Variants in BDP1 observed in about 807,000 individuals in gnomAD.
The protein encoded by BDP1 is transcription factor TFIIIB component B'' homolog.
A neutral mutation model predicts 266.6 loss-of-function variants in BDP1; 169 were observed. The ratio of observed to expected loss-of-function variants is 0.63; its 90% CI spans 0.56 to 0.72. The LOEUF is 0.72. BDP1 is among the 30% of genes least tolerant of loss of function. The probability of loss-of-function intolerance (pLI) is 0.00; values close to 1 mark genes in which losing one functional copy is unlikely to be tolerated. For missense variants in BDP1, 3,015 were observed against 3,053.8 expected (o/e 0.99, Z 0.30); for synonymous variants, 1,090 against 1,022.4 (o/e 1.07, Z -1.26).
chr5:71,465,960 T>TA (rs1250676379), intron 4 of BDP1, 136 bp from the exon 5 acceptor site: 9 of 866,962 alleles, frequency 1.0e-5, no homozygotes, highest in Non-Finnish European at 1.6e-5. Context: ...TAATAACACA[T>TA]ACTGTTTTCA....
intron 2 of BDP1, among the ~76,000 whole-genome samples, chr5:71,459,992 C>G (rs1761439606): frequency 6.6e-6 from 1 of 152,204 alleles, no homozygotes; most frequent in Non-Finnish European, 1.5e-5. Flanking sequence ...CATTTCTGGT[C>G]TCAAGTATTT....
At chr5:71,540,665 C>T (rs915972105) in intron 28 of BDP1, among the ~76,000 whole-genome samples, 5 of 152,150 alleles carry the variant, frequency 3.3e-5, no homozygotes, top group African/African-American at 1.2e-4. Flanking sequence ...GGGCCAGATG[C>T]AGCAGCTCAT....
At chr5:71,483,418 C>T (rs969307815) in intron 7 of BDP1, among the ~76,000 whole-genome samples, 7 of 152,190 alleles carry the variant, frequency 4.6e-5, no homozygotes, top group Non-Finnish European at 8.8e-5. Flanking sequence ...TGGCCTGCTT[C>T]AAAATTTCAC....
chr5:71,467,318 TTAG>T, intron 5 of BDP1, 33 bp from the exon 6 acceptor site: 1 of 1,510,320 alleles, frequency 6.6e-7, no homozygotes, highest in East Asian at 2.3e-5. Context: ...TTCCTTGTTT[TTAG>T]TATACATCTA....
chr5:71,562,642 C>G (rs1743758431), intron 38 of BDP1, 122 bp downstream of exon 38: 2 of 1,477,032 alleles, frequency 1.4e-6, no homozygotes, highest in Middle Eastern at 3.5e-4. Flanking sequence ...AGAGCAACTC[C>G]CATCCTTCTC....
In BDP1 at chr5:71,509,940, C is replaced by T. The variant is rs1281457988; in HGVS notation, c.2848C>T (p.Leu950=). ...AAATGGCCCAGAGGAGGTTAAGCCT[C>T]TAGGTGAAGTGGAGACAGATTTGAA... ...QKNGPEEVKP[L]GEVETDLKAT... Residue 950 remains leucine, a synonymous_variant, in exon 17 of 39, where the codon CTA becomes TTA. Transcript: ENST00000358731. The T allele has an allele frequency of 4.3e-6, 7 of 1,610,222 alleles. No individual in the cohort carries two copies. Among genetic ancestry groups the T allele is most frequent in the Admixed American group, 1.7e-5 (1 of 59,638 alleles).
At chr5:71,558,768 G>A (rs563319412) in intron 36 of BDP1, among the ~76,000 whole-genome samples, 1 of 152,134 alleles carries the variant, frequency 6.6e-6, no homozygotes, top group Non-Finnish European at 1.5e-5. Context: ...AGAGGTTGCG[G>A]TGAGCCGAGA....
At chr5:71,513,078 A>G in intron 18 of BDP1, 107 bp from the exon 19 acceptor site, 1 of 714,718 alleles carries the variant, frequency 1.4e-6, no homozygotes, top group African/African-American at 1.8e-5. Context: ...AAAAAAAAAA[A>G]AAAAAAAAAA....
intron 34 of BDP1, among the ~76,000 whole-genome samples, chr5:71,552,335 A>G (rs1393556277): frequency 1.3e-5 from 2 of 149,460 alleles, no homozygotes; most frequent in Non-Finnish European, 3.0e-5. Flanking sequence ...CACTTCCTAG[A>G]TGGGATGGCC....
At chr5:71,466,699 T>C (rs1761928785) in intron 5 of BDP1, among the ~76,000 whole-genome samples, 1 of 152,216 alleles carries the variant, frequency 6.6e-6, no homozygotes, top group African/African-American at 2.4e-5. Flanking sequence ...TTCTCAGTTA[T>C]AACATTAAAT....
rs2150564826 is a variant in BDP1, at chr5:71,542,265, G to A, written c.6412G>A (p.Glu2138Lys). The A allele has an allele frequency of 6.2e-7, 1 of 1,603,084 alleles. No homozygotes were observed. Among genetic ancestry groups the A allele is most frequent in the Non-Finnish European group, 8.5e-7 (1 of 1,176,958 alleles). Residue 2138 changes from glutamate to lysine, a missense_variant and splice_region_variant, in exon 30 of 39, where the codon GAA becomes AAA. Glu to Lys is a moderately conservative substitution (Grantham distance 56). Transcript: ENST00000358731. Reference sequence around the variant, plus strand: ...AGGGGCAGAAATGGAAACTCAAAGAGGTAAATTTTATTCTCTTAATATGTT... The same window carrying A: ...AGGGGCAGAAATGGAAACTCAAAGAAGTAAATTTTATTCTCTTAATATGTT... ...TKGAEMETQR[E>K]TEKNASKATE...
intron 4 of BDP1, among the ~76,000 whole-genome samples, 155 bp from the exon 5 acceptor site, chr5:71,465,940 AT>A (rs1265214610): frequency 6.6e-6 from 1 of 152,148 alleles, no homozygotes; most frequent in Non-Finnish European, 1.5e-5. Context: ...AAATCCTCTA[AT>A]TGCGTCCTTA....
rs1434795135 is a variant in BDP1 at position 71,545,325 on chromosome 5, TTTTC to T, written c.6744+110_6744+113del. ...TAAACTTCACCTCTTTTATCTTCAT[TTTTC>T]TTTATTTCTTCTTTTTTTTTTGGAG... On this transcript the variant is annotated intron_variant, in intron 32 of 38. Coordinates refer to ENST00000358731, the MANE Select transcript of BDP1 (RefSeq NM_018429.3). 9.4e-6 allele frequency: 10 copies of T among 1,068,116 alleles called. No individual in the cohort carries two copies. In the Admixed American group the frequency reaches 2.1e-4, roughly 22 times the overall value. The allele number at this position is 1,068,116 out of a possible 1,614,324, so 66.2% of individuals were successfully genotyped here.
chr5:71,550,112 G>A (rs1469201178), intron 34 of BDP1, among the ~76,000 whole-genome samples: 2 of 152,220 alleles, frequency 1.3e-5, no homozygotes, highest in African/African-American at 2.4e-5. Context: ...CTGGCCAGGC[G>A]TGGTGGCTTG....
At position 71,566,614 on chromosome 5, in the gene BDP1, A is replaced by C. The variant is rs890098589; in HGVS notation, c.*1729A>C. The C allele has an allele frequency of 1.3e-5, 2 of 152,130 alleles. No homozygotes were observed. Among genetic ancestry groups the C allele is most frequent in the African/African-American group, 4.8e-5 (2 of 41,428 alleles). 9.4% of individuals were successfully genotyped at this position (152,130 alleles called of 1,614,324 possible). On this transcript the variant is annotated 3_prime_UTR_variant, in exon 39 of 39. Coordinates refer to ENST00000358731, the MANE Select transcript of BDP1 (RefSeq NM_018429.3). ...AGGCCAGATGGTCTCTGTGGCAGCTACTCAGCTCTGCAATTTCAGTGTGAA... is the reference window on the plus strand; with the variant it reads ...AGGCCAGATGGTCTCTGTGGCAGCTCCTCAGCTCTGCAATTTCAGTGTGAA...
intron 7 of BDP1, among the ~76,000 whole-genome samples, chr5:71,480,958 C>T (rs1443585414): frequency 6.6e-6 from 1 of 152,096 alleles, no homozygotes; most frequent in African/African-American, 2.4e-5. Context: ...GGGTGGATCA[C>T]GAGGTCAGGA....
At chr5:71,527,585 A>T (rs1471133613) in intron 25 of BDP1, among the ~76,000 whole-genome samples, 2 of 152,098 alleles carry the variant, frequency 1.3e-5, no homozygotes, top group African/African-American at 4.8e-5. Context: ...GTTGTAGCTT[A>T]TGTCAGAGTG....
intron 25 of BDP1, among the ~76,000 whole-genome samples, chr5:71,525,562 G>A (rs1765786928): frequency 1.5e-5 from 1 of 67,026 alleles, no homozygotes; most frequent in Non-Finnish European, 3.6e-5. Context: ...CCTCCCTCCC[G>A]GATGGGGCGG....
intron 7 of BDP1, among the ~76,000 whole-genome samples, chr5:71,471,394 G>A (rs903851138): frequency 4.6e-5 from 7 of 152,022 alleles, no homozygotes; most frequent in African/African-American, 1.7e-4. Context: ...CACCCACCTT[G>A]GCCTCCCACC....
Sources: gnomAD v4.1 joint callset for allele counts (sites outside exome capture counted in the v4.1 genomes callset) on GRCh38, gnomAD v4.1.1 for gene constraint, MANE v1.5 for transcripts, NCBI Gene and HGNC (gene_info 2026-07-23, HGNC 2026-07-21) for gene names.